Variants in TUSC3 observed in about 807,000 individuals in gnomAD.
TUSC3 encodes dolichyl-diphosphooligosaccharide--protein glycosyltransferase subunit TUSC3.
Under a neutral mutation model 44.8 loss-of-function variants are expected in TUSC3, and 45 were observed. The ratio of observed to expected loss-of-function variants is 1.00; its 90% CI spans 0.79 to 1.29. The LOEUF (loss-of-function observed/expected upper bound fraction) is 1.29, where lower values mean the gene tolerates loss of function less well. Ranked by LOEUF, TUSC3 falls within the 50% of genes most tolerant of loss-of-function variation. The pLI, the probability that TUSC3 is intolerant of heterozygous loss-of-function variation, is 0.00. For missense variants in TUSC3, 519 were observed against 437.9 expected, an observed-to-expected ratio of 1.19 and a Z score of -1.65; for synonymous variants, 212 against 152.9, an observed-to-expected ratio of 1.39 and a Z score of -2.85.
the TUSC3 span, among the ~76,000 whole-genome samples, chr8:15,817,208 G>A: frequency 6.6e-6 from 1 of 152,136 alleles, no homozygotes; most frequent in East Asian, 1.9e-4. Flanking sequence ...GCACAACGTA[G>A]TGAAATAAAT....
the TUSC3 span, among the ~76,000 whole-genome samples, chr8:15,848,734 A>G: frequency 0.72 from 110,052 of 152,032 alleles, 39,966 homozygotes; most frequent in Non-Finnish European, 0.75. Context: ...GGAGTCCAGA[A>G]TCTTCAACTT....
At chr8:15,732,454 G>C (rs1563195356) in intron 7 of TUSC3, among the ~76,000 whole-genome samples, 1 of 152,106 alleles carries the variant, frequency 6.6e-6, no homozygotes, top group Admixed American at 6.5e-5. Context: ...ATATGGAACT[G>C]TGAGTCCGTT....
chr8:15,571,101 C>G (rs1025609443), intron 1 of TUSC3, among the ~76,000 whole-genome samples: 5 of 151,368 alleles, frequency 3.3e-5, no homozygotes, highest in African/African-American at 9.7e-5. Flanking sequence ...TTATAGGTGC[C>G]TGCCACCACA....
chr8:15,642,444 C>A (rs1487806556), intron 2 of TUSC3, among the ~76,000 whole-genome samples: 3 of 152,132 alleles, frequency 2.0e-5, no homozygotes, highest in Non-Finnish European at 4.4e-5. Flanking sequence ...CACTAAATCT[C>A]CATGAATGTT....
At chr8:15,644,540 A>G (rs1237967338) in intron 2 of TUSC3, among the ~76,000 whole-genome samples, 2 of 152,208 alleles carry the variant, frequency 1.3e-5, no homozygotes, top group Non-Finnish European at 2.9e-5. Flanking sequence ...CCAAGCTGAC[A>G]GAAACATATT....
intron 1 of TUSC3, among the ~76,000 whole-genome samples, chr8:15,541,304 T>A (rs1461221695): frequency 1.3e-5 from 2 of 152,246 alleles, no homozygotes; most frequent in African/African-American, 4.8e-5. Flanking sequence ...AGGTGGAGTG[T>A]TTGTAAGTTC....
intron 1 of TUSC3, among the ~76,000 whole-genome samples, chr8:15,566,485 C>T (rs1345329032): frequency 6.6e-6 from 1 of 152,006 alleles, no homozygotes. Flanking sequence ...GTAACAGCTG[C>T]TAAAGGAAAG....
chr8:15,805,339 T>A, the TUSC3 span, among the ~76,000 whole-genome samples: 2 of 152,184 alleles, frequency 1.3e-5, no homozygotes. Context: ...TCTTGCCTGA[T>A]TACTCTGGCA....
intron 1 of TUSC3, among the ~76,000 whole-genome samples, chr8:15,552,382 G>T (rs757892811): frequency 6.6e-6 from 1 of 151,598 alleles, no homozygotes; most frequent in East Asian, 1.9e-4. Context: ...CCATTGTCCC[G>T]GATATATCCT....
intron 2 of TUSC3, among the ~76,000 whole-genome samples, chr8:15,531,536 G>T (rs185417682): frequency 2.6e-5 from 4 of 152,332 alleles, no homozygotes; most frequent in Non-Finnish European, 4.4e-5. Context: ...ACAGGCGTGA[G>T]CCTCTGTGCC....
chr8:15,760,827 G>A (rs1221342344), intron 10 of TUSC3, among the ~76,000 whole-genome samples: 1 of 152,180 alleles, frequency 6.6e-6, no homozygotes, highest in African/African-American at 2.4e-5. Flanking sequence ...ACACAGCACT[G>A]AATATGTTCC....
At chr8:15,710,024 T>C (rs955824605) in intron 6 of TUSC3, among the ~76,000 whole-genome samples, 3 of 151,900 alleles carry the variant, frequency 2.0e-5, no homozygotes, top group African/African-American at 4.8e-5. Context: ...CCAAATGTAG[T>C]GACAGCCTCT....
At chr8:15,770,073 A>G (rs936088592), downstream of TUSC3, among the ~76,000 whole-genome samples, 2 of 152,212 alleles carry the variant, frequency 1.3e-5, no homozygotes, top group African/African-American at 4.8e-5. Context: ...GTATATACAC[A>G]AAGGATTATA....
At chr8:15,573,171 T>TCC (rs1802946378) in intron 1 of TUSC3, among the ~76,000 whole-genome samples, 1 of 50,140 alleles carries the variant, frequency 2.0e-5, no homozygotes, top group Non-Finnish European at 4.1e-5. Flanking sequence ...TCTCTCTTTC[T>TCC]CTCTCTCTCT....
chr8:15,590,399 C>T (rs915023938), intron 1 of TUSC3, among the ~76,000 whole-genome samples: 13 of 152,126 alleles, frequency 8.5e-5, no homozygotes, highest in African/African-American at 2.9e-4. Flanking sequence ...TAGTGAGAGA[C>T]GTCATGAGTG....
intron 9 of TUSC3, among the ~76,000 whole-genome samples, chr8:15,750,615 C>T (rs97625): frequency 0.41 from 62,524 of 151,260 alleles, 13,687 homozygotes; most frequent in African/African-American, 0.56. Context: ...TTAACGGAGG[C>T]TGGACATAGA....
At chr8:15,522,564 G>C (rs1415095786) in intron 2 of TUSC3, among the ~76,000 whole-genome samples, 1 of 149,416 alleles carries the variant, frequency 6.7e-6, no homozygotes, top group Non-Finnish European at 1.5e-5. Flanking sequence ...TTCACCTTGA[G>C]ACAGTAGTCA....
At chr8:15,483,413 TCAC>T (rs1253376783) in exon 2 of TUSC3, 1 of 173,792 alleles carries the variant, frequency 5.8e-6, no homozygotes. Flanking sequence ...CCATCTCGAC[TCAC>T]CACAACCTCT....
intron 7 of TUSC3, among the ~76,000 whole-genome samples, chr8:15,732,134 G>C (rs1163867056): frequency 6.6e-6 from 1 of 152,130 alleles, no homozygotes; most frequent in African/African-American, 2.4e-5. Flanking sequence ...TTCTTACTCT[G>C]AACTTTGGTG....
Sources: gnomAD v4.1 joint callset for allele counts (sites outside exome capture counted in the v4.1 genomes callset) on GRCh38, gnomAD v4.1.1 for gene constraint, MANE v1.5 for transcripts, NCBI Gene and HGNC (gene_info 2026-07-23, HGNC 2026-07-21) for gene names.